EHBP1: variants seen among roughly 807,000 people sequenced by gnomAD.
EHBP1 encodes EH domain binding protein 1.
In EHBP1, 55 loss-of-function variants were observed where a neutral mutation model predicts 144.0. The ratio of observed to expected loss-of-function variants is 0.38; its 90% CI spans 0.31 to 0.48. EHBP1 has a LOEUF of 0.48. EHBP1 is among the 20% of genes least tolerant of loss of function. EHBP1 has a pLI of 0.98. For synonymous variants in EHBP1, 469 were observed against 472.7 expected (o/e 0.99, Z 0.10); for missense variants, 1,200 against 1,364.2 (o/e 0.88, Z 1.90).
intron 13 of EHBP1, among the ~76,000 whole-genome samples, chr2:62,953,564 T>G (rs565055654): frequency 4.5e-4 from 68 of 150,372 alleles, no homozygotes; most frequent in Non-Finnish European, 8.1e-4. Flanking sequence ...AGTAAAATAA[T>G]AAAATAAAAT....
chr2:62,755,270 G>A (rs2040170524), intron 3 of EHBP1, among the ~76,000 whole-genome samples: 1 of 152,186 alleles, frequency 6.6e-6, no homozygotes, highest in African/African-American at 2.4e-5. Context: ...AGTACAGTCA[G>A]GCTTGTTTCG....
At position 62,864,582 on chromosome 2, in the gene EHBP1, A is replaced by G. The variant is rs1193196485; in HGVS notation, c.758-149A>G. 6 of 731,562 alleles carry G rather than the reference A, an allele frequency of 8.2e-6. No individual in the cohort carries two copies. The Admixed American group carries it at 1.6e-4, about 19-fold the overall frequency. The allele number at this position is 731,562 out of a possible 1,614,324, so 45.3% of individuals were successfully genotyped here. A position where few individuals can be genotyped will look rare whatever the true frequency, so the allele number is the denominator to read the frequency against. Reference sequence around the variant, plus strand: ...CATTAAGACTACTTAGCCCCTCTAAAATATATTATTGTTTTATTATTGCTT... The same window carrying G: ...CATTAAGACTACTTAGCCCCTCTAAGATATATTATTGTTTTATTATTGCTT... On this transcript the variant is annotated intron_variant, in intron 8 of 22. Coordinates refer to ENST00000431489, the MANE Select transcript of EHBP1 (RefSeq NM_001142616.3).
At chr2:62,936,569 A>G (rs2056400105) in intron 10 of EHBP1, among the ~76,000 whole-genome samples, 1 of 151,962 alleles carries the variant, frequency 6.6e-6, no homozygotes, top group South Asian at 2.1e-4. Flanking sequence ...CTCTCAACTC[A>G]CTCTTCTAGA....
chr2:62,883,011 TATACACACACACATATAC>T (rs908697439), intron 10 of EHBP1, among the ~76,000 whole-genome samples: 3 of 152,038 alleles, frequency 2.0e-5, no homozygotes, highest in African/African-American at 7.2e-5. Flanking sequence ...ACACTATACA[TATACACACACACATATAC>T]ATACACACAC....
intron 7 of EHBP1, among the ~76,000 whole-genome samples, chr2:62,857,285 T>A (rs895521857): frequency 6.6e-6 from 1 of 152,230 alleles, no homozygotes; most frequent in African/African-American, 2.4e-5. Context: ...TTGTTAAGTC[T>A]GTTTCCATGT....
intron 19 of EHBP1, among the ~76,000 whole-genome samples, chr2:63,008,027 T>C (rs1179213096): frequency 1.3e-5 from 2 of 151,688 alleles, no homozygotes; most frequent in Admixed American, 6.6e-5. Context: ...TCTTAAACAA[T>C]TGGATGAAAA....
At chr2:62,914,861 A>G (rs1293936286) in intron 10 of EHBP1, among the ~76,000 whole-genome samples, 1 of 152,070 alleles carries the variant, frequency 6.6e-6, no homozygotes, top group Non-Finnish European at 1.5e-5. Context: ...AAAATCTGTT[A>G]TATCACTAAC....
At chr2:62,886,274 A>T (rs538748107) in intron 10 of EHBP1, among the ~76,000 whole-genome samples, 40 of 152,364 alleles carry the variant, frequency 2.6e-4, no homozygotes, top group African/African-American at 7.9e-4. Flanking sequence ...GTAAATTGAA[A>T]ATGTCAAACC....
chr2:62,936,583 C>T (rs1182160814), intron 10 of EHBP1, among the ~76,000 whole-genome samples: 4 of 151,996 alleles, frequency 2.6e-5, no homozygotes, highest in African/African-American at 9.7e-5. Context: ...TTCTAGACTA[C>T]CATTATAAAA....
chr2:63,017,792 G>A (rs1303029106), intron 19 of EHBP1, among the ~76,000 whole-genome samples: 3 of 152,102 alleles, frequency 2.0e-5, no homozygotes, highest in Non-Finnish European at 2.9e-5. Context: ...ATGTAGTATA[G>A]AGGCATTTGA....
chr2:62,767,552 G>A (rs565466403), intron 4 of EHBP1, among the ~76,000 whole-genome samples: 3 of 151,618 alleles, frequency 2.0e-5, no homozygotes, highest in South Asian at 2.1e-4. Flanking sequence ...CAAAAAAAAC[G>A]GACCAGGTGC....
intron 3 of EHBP1, among the ~76,000 whole-genome samples, chr2:62,763,697 C>T (rs941506076): frequency 6.6e-6 from 1 of 151,948 alleles, no homozygotes; most frequent in African/African-American, 2.4e-5. Flanking sequence ...CCTTAGGGAA[C>T]CTTGATAATC....
At chr2:62,864,109 A>G (rs1251188819) in intron 8 of EHBP1, among the ~76,000 whole-genome samples, 2 of 151,960 alleles carry the variant, frequency 1.3e-5, no homozygotes, top group East Asian at 3.9e-4. Flanking sequence ...CGGCCTCCCA[A>G]AGAGTTGGGA....
chr2:63,014,806 C>T (rs1245370856), intron 19 of EHBP1, among the ~76,000 whole-genome samples: 4 of 152,142 alleles, frequency 2.6e-5, no homozygotes, highest in Admixed American at 6.5e-5. Context: ...GGAGAAACCC[C>T]GTCTCTACTA....
chr2:63,019,614 G>C (rs2060619242), intron 19 of EHBP1, among the ~76,000 whole-genome samples: 1 of 151,816 alleles, frequency 6.6e-6, no homozygotes, highest in Admixed American at 6.6e-5. Context: ...GGCTGAGGCA[G>C]AAGAATCACT....
chr2:62,957,987 CAT>C (rs1216558803), intron 14 of EHBP1, among the ~76,000 whole-genome samples: 3 of 152,180 alleles, frequency 2.0e-5, no homozygotes, highest in African/African-American at 7.2e-5. Context: ...TCTTTAGTCT[CAT>C]TAGTTATCAA....
rs139170170 is a variant in EHBP1, at chr2:62,955,602, C to T, written c.2402C>T (p.Ala801Val). 1.6e-5 allele frequency: 26 copies of T among 1,612,004 alleles called. No individual in the cohort carries two copies. Among genetic ancestry groups the T allele is most frequent in the Non-Finnish European group, 2.1e-5 (25 of 1,178,880 alleles). ...EQARRDAALK[A>V]GNKHNTNTAT... is the part of the protein sequence containing the mutation. ...GCAAGAAGAGATGCAGCCTTAAAGG[C>T]GGGGAATAAGCACAATACCAACACA... The change falls in exon 14 of 23, where the codon GCG becomes GTG. Residue 801 changes from alanine to valine, a missense_variant. Transcript: ENST00000431489.
chr2:62,754,502 A>G (rs1365569336), intron 3 of EHBP1, among the ~76,000 whole-genome samples: 1 of 152,174 alleles, frequency 6.6e-6, no homozygotes, highest in East Asian at 1.9e-4. Context: ...TAGGAGAACC[A>G]CTACTCTCTT....
chr2:62,850,758 T>G (rs2048637983), intron 7 of EHBP1, among the ~76,000 whole-genome samples: 1 of 152,168 alleles, frequency 6.6e-6, no homozygotes, highest in African/African-American at 2.4e-5. Flanking sequence ...TTAAAAAAAT[T>G]CCAGGAATAA....
Sources: allele counts gnomAD v4.1 joint callset (sites outside exome capture counted in the v4.1 genomes callset), GRCh38; gene constraint gnomAD v4.1.1; transcripts MANE v1.5; gene names NCBI Gene and HGNC (gene_info 2026-07-23, HGNC 2026-07-21).